Variants in ADAMTS1 observed in about 807,000 individuals in gnomAD.
ADAMTS1 encodes A disintegrin and metalloproteinase with thrombospondin motifs 1.
A neutral mutation model predicts 87.9 loss-of-function variants in ADAMTS1; 19 were observed. The observed-to-expected ratio is 0.22, with a 90% CI of 0.15 to 0.32. The LOEUF (loss-of-function observed/expected upper bound fraction) is 0.32, where lower values mean the gene tolerates loss of function less well. Ranked by LOEUF, ADAMTS1 falls within the 10% of genes least tolerant of loss-of-function variation. The pLI, the probability that ADAMTS1 is intolerant of heterozygous loss-of-function variation, is 1.00. For synonymous variants in ADAMTS1, 542 were observed against 501.8 expected, an observed-to-expected ratio of 1.08 and a Z score of -1.07; for missense variants, 1,240 against 1,259.1, an observed-to-expected ratio of 0.98 and a Z score of 0.23.
At chr21:26,839,362 C>A (rs1048111622) in intron 7 of ADAMTS1, 6 of 435,286 alleles carry the variant, frequency 1.4e-5, no homozygotes, top group Non-Finnish European at 2.0e-5. Context: ...AGAGTAATAG[C>A]GAGCAATTGC....
chr21:26,838,367 T>A (rs1985420582), intron 8 of ADAMTS1, 72 bp downstream of exon 8: 26 of 1,587,554 alleles, frequency 1.6e-5, no homozygotes, highest in Non-Finnish European at 2.2e-5. Flanking sequence ...TTATGAGACA[T>A]ATTTTTTTCC....
At position 26,844,208 on chromosome 21, in the gene ADAMTS1, G is replaced by A. The variant is rs756903644; in HGVS notation, c.730+17C>T. 6 of 1,527,454 alleles carry A rather than the reference G, an allele frequency of 3.9e-6. No homozygotes were observed. The highest frequency in any genetic ancestry group is 4.4e-6 in the Non-Finnish European group (5 of 1,137,192). The allele number at this position is 1,527,454 out of a possible 1,614,324, so 94.6% of individuals were successfully genotyped here. A position where few individuals can be genotyped will look rare whatever the true frequency, so the allele number is the denominator to read the frequency against. On this transcript the variant is annotated intron_variant, in intron 1 of 8. Coordinates refer to ENST00000284984, the MANE Select transcript of ADAMTS1 (RefSeq NM_006988.5). ...GAGGAGGATGAATGGACAGACAAAC[G>A]AGAGCAATTCTTCTACCTGTGGGCT...
At position 26,836,715 on chromosome 21, in the gene ADAMTS1, T is replaced by C. The variant is rs2123313824; in HGVS notation, c.*864A>G. 6.5e-6 allele frequency: 1 copy of C among 152,682 alleles called. No homozygotes were observed. Among genetic ancestry groups the C allele is most frequent in the East Asian group, 1.9e-4 (1 of 5,178 alleles). 9.5% of individuals were successfully genotyped at this position (152,682 alleles called of 1,614,324 possible). On this transcript the variant is annotated 3_prime_UTR_variant, in exon 9 of 9. Coordinates refer to ENST00000284984, the MANE Select transcript of ADAMTS1 (RefSeq NM_006988.5). ...TTGTTCCGGCGTTTCATCCTCCTTG[T>C]GTGATTGTACTGATTTTCATGAGAC... is the stretch of plus-strand genomic sequence containing the variant.
chr21:26,845,226 A>AC lies in ADAMTS1; in HGVS notation c.-273dup, dbSNP rs1179792412. 5.3e-6 allele frequency: 2 copies of AC among 376,410 alleles called. No individual in the cohort carries two copies. Among genetic ancestry groups the AC allele is most frequent in the Non-Finnish European group, 9.3e-6 (2 of 214,844 alleles). The allele number at this position is 376,410 out of a possible 1,614,324, so 23.3% of individuals were successfully genotyped here. On this transcript the variant is annotated 5_prime_UTR_variant, in exon 1 of 9. Transcript: ENST00000284984. ...GCGCAGGCAGAGTGGCTCTGCTGGGACAAGAAGCGCTCTGGGGCGCCTCCG... is the reference window on the plus strand; with the variant it reads ...GCGCAGGCAGAGTGGCTCTGCTGGGACCAAGAAGCGCTCTGGGGCGCCTCCG...
intron 1 of ADAMTS1, chr21:26,843,537 C>T (rs1985540832): frequency 4.3e-6 from 2 of 470,410 alleles, no homozygotes; most frequent in Admixed American, 4.7e-5. Flanking sequence ...GAAGGACCGG[C>T]AGTGACTTTC....
rs1340327607 is a variant in ADAMTS1, at chr21:26,844,275, GCCCCTTC to G, written c.673_679del (p.Glu225LeufsTer13). 61 of 1,601,234 alleles carry G rather than the reference GCCCCTTC, an allele frequency of 3.8e-5. No homozygotes were observed. Among genetic ancestry groups the G allele is most frequent in the Non-Finnish European group, 4.9e-5 (58 of 1,174,272 alleles). ...TGCCGGGTCCTGCGGCGACCACTGA[GCCCCTTC>G]GTCCTCGCCCTCAGTCCCTTCGTCC... is the stretch of plus-strand genomic sequence containing the variant. On this transcript the variant is annotated frameshift_variant, in exon 1 of 9. Coordinates refer to ENST00000284984, the MANE Select transcript of ADAMTS1 (RefSeq NM_006988.5). LOFTEE classifies it high-confidence loss of function.
In ADAMTS1 at chr21:26,838,531, G is replaced by C. The variant is rs766366361; in HGVS notation, c.2112C>G (p.Ile704Met). The C allele has an allele frequency of 3.7e-6, 6 of 1,614,134 alleles. No individual in the cohort carries two copies. The South Asian group carries it at 6.6e-5, about 18-fold the overall frequency. The change falls in exon 8 of 9, where the codon ATC becomes ATG. Residue 704 changes from isoleucine to methionine, a missense_variant. Physicochemically the swap from Ile to Met is conservative, Grantham distance 10 (BLOSUM62 1). Around this residue, in one of 3 missense-constraint regions of ADAMTS1, gnomAD observed 402 missense variants for 399.1 expected, o/e 1.01. Transcript: ENST00000284984. ...GQCVKAGCDR[I>M]IDSKKKFDKC... ...TATCAAACTTCTTTTTGGAGTCTAT[G>C]ATGCGATCACAACCAGCTTTTACAC...
chr21:26,839,506 G>T, intron 7 of ADAMTS1, 81 bp downstream of exon 7: 3 of 1,302,114 alleles, frequency 2.3e-6, no homozygotes, highest in Non-Finnish European at 3.1e-6. Flanking sequence ...GGAAAGCAAA[G>T]AAAGTATAAC....
At chr21:26,842,194 A>T in intron 2 of ADAMTS1, 145 bp downstream of exon 2, 1 of 997,308 alleles carries the variant, frequency 1.0e-6, no homozygotes, top group Non-Finnish European at 1.4e-6. Flanking sequence ...TTTAAATTAC[A>T]GTAGAAATGA....
chr21:26,837,754 G>T lies in ADAMTS1; in HGVS notation c.2729C>A (p.Pro910His), dbSNP rs920036900. 2.5e-6 allele frequency: 4 copies of T among 1,614,168 alleles called. No individual in the cohort carries two copies. The highest frequency in any genetic ancestry group is 3.4e-6 in the Non-Finnish European group (4 of 1,180,030). ...TGACCACTCCCCCAGCTGCCACTGG[G>T]GGCAGGGATGGTCTGCACAAGGTCT... ...STRPCADHPC[P>H]QWQLGEWSSC... Residue 910 changes from proline (P) to histidine (H), a missense_variant, in exon 9 of 9, where the codon CCC becomes CAC. Physicochemically the swap from Pro to His is moderately conservative, Grantham distance 77. Transcript: ENST00000284984.
chr21:26,843,565 G>A (rs930517778), intron 1 of ADAMTS1: 11 of 468,516 alleles, frequency 2.3e-5, no homozygotes, highest in African/African-American at 6.0e-5. Context: ...CTTGAGAGCA[G>A]AATTATGGCC....
Position 26,841,216 on chromosome 21 carries a change from G to A in ADAMTS1, c.1211-51C>T, listed in dbSNP as rs548687873. The stretch of plus-strand genomic sequence containing the variant: ...TAAAGTATGGATCATGGCTGGGTGC[G>A]GTGGCTCACACCTGTAATTCCAGAA... On this transcript the variant is annotated intron_variant, in intron 3 of 8. Transcript: ENST00000284984. 5.5e-5 allele frequency: 87 copies of A among 1,589,484 alleles called. 2 individuals are homozygous for A. The Middle Eastern group carries it at 1.4e-3, about 25-fold the overall frequency.
chr21:26,843,504 G>T (rs934152875), intron 1 of ADAMTS1: 4 of 331,716 alleles, frequency 1.2e-5, no homozygotes, highest in South Asian at 7.4e-5. Flanking sequence ...AATAAGCACT[G>T]CACAGAGAGA....
chr21:26,845,015 CG>C lies in ADAMTS1; in HGVS notation c.-62del. On this transcript the variant is annotated 5_prime_UTR_variant, in exon 1 of 9. Coordinates refer to ENST00000284984, the MANE Select transcript of ADAMTS1 (RefSeq NM_006988.5). ...GGAGCGAGGGACCTTTAGTTCGGGT[CG>C]GGAGAGCAAAGCCTCGTTGGCCTGC... 6.8e-7 allele frequency: 1 copy of C among 1,467,334 alleles called. No homozygotes were observed. 90.9% of individuals were successfully genotyped at this position (1,467,334 alleles called of 1,614,324 possible). A position where few individuals can be genotyped will look rare whatever the true frequency, so the allele number is the denominator to read the frequency against.
In ADAMTS1 at chr21:26,845,284, G is replaced by T. The variant is rs968842164; in HGVS notation, c.-330C>A. Reference sequence around the variant, plus strand: ...GGCAACGCGGAGATTGGTGCCTGGCGCCCCTCTTCGGCCTCCGCCTTGGCT... The same window carrying T: ...GGCAACGCGGAGATTGGTGCCTGGCTCCCCTCTTCGGCCTCCGCCTTGGCT... On this transcript the variant is annotated 5_prime_UTR_variant, in exon 1 of 9. Coordinates refer to ENST00000284984, the MANE Select transcript of ADAMTS1 (RefSeq NM_006988.5). 2 of 270,512 alleles carry T rather than the reference G, an allele frequency of 7.4e-6. No individual in the cohort carries two copies. The highest frequency in any genetic ancestry group is 1.4e-5 in the Non-Finnish European group (2 of 144,896). 16.8% of individuals were successfully genotyped at this position (270,512 alleles called of 1,614,324 possible).
In ADAMTS1 at chr21:26,838,237, G is replaced by C. The variant is rs760979769; in HGVS notation, c.2246C>G (p.Thr749Ser). Residue 749 changes from threonine (T) to serine (S), a missense_variant, in exon 9 of 9, where the codon ACC becomes AGC. Coordinates refer to ENST00000284984, the MANE Select transcript of ADAMTS1 (RefSeq NM_006988.5). ...HDIITIPTGA[T>S]NIEVKQRNQR... ...GTTCCGCTGTTTCACTTCGATGTTG[G>C]TGGCTCCAGTTGGAATTGTGATGAT... 2 of 1,613,128 alleles carry C rather than the reference G, an allele frequency of 1.2e-6. No individual in the cohort carries two copies. Among genetic ancestry groups the C allele is most frequent in the South Asian group, 2.2e-5 (2 of 90,992 alleles).
intron 4 of ADAMTS1, 132 bp downstream of exon 4, chr21:26,840,866 A>G: frequency 8.9e-7 from 1 of 1,126,824 alleles, no homozygotes; most frequent in Non-Finnish European, 1.3e-6. Flanking sequence ...CTCAACAGTT[A>G]GGATCTTGAC....
At chr21:26,843,722 A>G (rs1257957687) in intron 1 of ADAMTS1, 2 of 501,088 alleles carry the variant, frequency 4.0e-6, no homozygotes, top group Non-Finnish European at 8.2e-6. Flanking sequence ...CAGAGATCCT[A>G]GCGTAGCCGC....
chr21:26,839,501 G>T, intron 7 of ADAMTS1, 86 bp downstream of exon 7: 2 of 1,250,596 alleles, frequency 1.6e-6, no homozygotes, highest in Non-Finnish European at 2.2e-6. Context: ...AATATGGAAA[G>T]CAAAGAAAGT....
Sources: allele counts gnomAD v4.1 joint callset, GRCh38; gene constraint gnomAD v4.1.1; regional missense constraint gnomAD v4.1.1; transcripts MANE v1.5; gene names NCBI Gene and HGNC (gene_info 2026-07-23, HGNC 2026-07-21).